ABRA: variants seen among roughly 807,000 people sequenced by gnomAD.
ABRA encodes the protein actin-binding Rho-activating protein.
A neutral mutation model predicts 33.4 loss-of-function variants in ABRA; 25 were observed. The ratio of observed to expected loss-of-function variants is 0.75; its 90% confidence interval spans 0.55 to 1.04. The LOEUF is 1.04. Among genes scored for constraint, ABRA ranks in the 50% least tolerant of loss-of-function variants. The pLI, the probability that ABRA is intolerant of heterozygous loss-of-function variation, is 0.00. For synonymous variants in ABRA, 193 were observed against 176.8 expected (o/e 1.09, Z -0.73); for missense variants, 501 against 491.7 (o/e 1.02, Z -0.18).
intron 1 of ABRA, among the ~76,000 whole-genome samples, chr8:106,764,085 C>A (rs553077731): frequency 4.6e-5 from 7 of 152,140 alleles, no homozygotes. Context: ...GTAATTATGT[C>A]GGTATCCAGA....
intron 1 of ABRA, among the ~76,000 whole-genome samples, chr8:106,769,287 T>G (rs1240068456): frequency 6.6e-6 from 1 of 152,146 alleles, no homozygotes; most frequent in African/African-American, 2.4e-5. Context: ...GAGTGTTCAG[T>G]TCAAAACAAA....
chr8:106,769,537 G>T lies in ABRA; in HGVS notation c.654C>A (p.Arg218=), dbSNP rs1185520755. The T allele has an allele frequency of 6.2e-7, 1 of 1,613,006 alleles. No individual in the cohort carries two copies. The highest frequency in any genetic ancestry group is 1.3e-5 in the African/African-American group (1 of 74,894). Residue 218 remains arginine (R), a synonymous_variant, in exon 1 of 2, where the codon CGC becomes CGA. Coordinates refer to ENST00000311955, the MANE Select transcript of ABRA (RefSeq NM_139166.5). Reference sequence around the variant, plus strand: ...CATTCACTTACTGGGAGGGCAAGGGGCGCTTGATCCTGACCACAGCCACCT... The same window carrying T: ...CATTCACTTACTGGGAGGGCAAGGGTCGCTTGATCCTGACCACAGCCACCT... The part of the protein sequence containing the change: ...GVQVAVVRIK[R]PLPSQVNRFT...
At position 106,769,536 on chromosome 8, in the gene ABRA, G is replaced by C; in HGVS notation, c.655C>G (p.Pro219Ala). Reference protein sequence around the residue: ...VQVAVVRIKRPLPSQVNRFTE... With the variant: ...VQVAVVRIKRALPSQVNRFTE... ...GCATTCACTTACTGGGAGGGCAAGG[G>C]GCGCTTGATCCTGACCACAGCCACC... Residue 219 changes from proline (P) to alanine (A), a missense_variant, in exon 1 of 2, where the codon CCC becomes GCC. Transcript: ENST00000311955. 2.5e-6 allele frequency: 4 copies of C among 1,613,026 alleles called. No individual in the cohort carries two copies. The South Asian group carries it at 4.4e-5, about 18-fold the overall frequency.
At chr8:106,765,374 C>T (rs907145816) in intron 1 of ABRA, among the ~76,000 whole-genome samples, 2 of 152,130 alleles carry the variant, frequency 1.3e-5, no homozygotes, top group Non-Finnish European at 2.9e-5. Context: ...CTTCTGTCTC[C>T]GATCTGTATG....
rs1836126736 is a variant in ABRA, at chr8:106,760,967, T to C, written c.*70A>G. ...AACTTATTACAGAGAGTTTGCATTT[T>C]CATTTTACCTACATGAGCATTTAGC... is the stretch of plus-strand genomic sequence containing the variant. On this transcript the variant is annotated 3_prime_UTR_variant, in exon 2 of 2. Transcript: ENST00000311955. 4.4e-6 allele frequency: 6 copies of C among 1,376,964 alleles called. No individual in the cohort carries two copies. 85.3% of individuals were successfully genotyped at this position (1,376,964 alleles called of 1,614,324 possible).
In ABRA at chr8:106,760,896, T is replaced by C. The variant is rs1278565546; in HGVS notation, c.*141A>G. The C allele has an allele frequency of 2.6e-6, 2 of 774,508 alleles. No homozygotes were observed. The highest frequency in any genetic ancestry group is 2.5e-5 in the East Asian group (1 of 40,382). 48.0% of individuals were successfully genotyped at this position (774,508 alleles called of 1,614,324 possible). ...CAAAATTCCTCATTCTAGATAGAAATAGAATGCCAGAAAGTCGTTTATGTA... is the reference window on the plus strand; with the variant it reads ...CAAAATTCCTCATTCTAGATAGAAACAGAATGCCAGAAAGTCGTTTATGTA... On this transcript the variant is annotated 3_prime_UTR_variant, in exon 2 of 2. Transcript: ENST00000311955.
chr8:106,765,517 A>G (rs562425654), intron 1 of ABRA, among the ~76,000 whole-genome samples: 1 of 152,300 alleles, frequency 6.6e-6, no homozygotes, highest in East Asian at 1.9e-4. Context: ...AACTTCTAGG[A>G]GAAATGCTGC....
chr8:106,762,321 C>T (rs951222200), intron 1 of ABRA, among the ~76,000 whole-genome samples: 6 of 152,154 alleles, frequency 3.9e-5, no homozygotes, highest in Admixed American at 2.0e-4. Context: ...AAATAGGTGA[C>T]GTTGCAGGAT....
intron 1 of ABRA, among the ~76,000 whole-genome samples, chr8:106,768,759 G>A (rs1250685949): frequency 7.2e-5 from 11 of 152,078 alleles, no homozygotes; most frequent in East Asian, 5.8e-4. Context: ...TCAGCCTCCC[G>A]GGTAGCTGGG....
Position 106,769,992 on chromosome 8 carries a change from T to TG in ABRA, c.198dup (p.Thr67HisfsTer34). 2 of 1,613,468 alleles carry TG rather than the reference T, an allele frequency of 1.2e-6. No homozygotes were observed. Among genetic ancestry groups the TG allele is most frequent in the Non-Finnish European group, 8.5e-7 (1 of 1,179,876 alleles). On this transcript the variant is annotated frameshift_variant, in exon 1 of 2. Coordinates refer to ENST00000311955, the MANE Select transcript of ABRA (RefSeq NM_139166.5). LOFTEE classifies it high-confidence loss of function. ...GCTTTCTGGTGTGAAGTAGGGGGTG[T>TG]GATTGGTTTAGGAGCTTGAGGTGAG... is the stretch of plus-strand genomic sequence containing the variant.
At chr8:106,765,607 T>C (rs1446678117) in intron 1 of ABRA, among the ~76,000 whole-genome samples, 1 of 152,176 alleles carries the variant, frequency 6.6e-6, no homozygotes, top group Non-Finnish European at 1.5e-5. Context: ...GGCACATTTA[T>C]CAGAAGCAGA....
rs769633887 is a variant in ABRA, at chr8:106,770,138, C to T, written c.53G>A (p.Arg18Gln). 17 of 1,613,290 alleles carry T rather than the reference C, an allele frequency of 1.1e-5. No homozygotes were observed. The highest frequency in any genetic ancestry group is 4.5e-5 in the East Asian group (2 of 44,888). ...GACCAGGGTGGCTGTGCGTATCTTC[C>T]GGAGGGCGCTCTTGGCTGGGCCCTC... Reference protein sequence around the residue: ...SGEGPAKSALRKIRTATLVIS... With the variant: ...SGEGPAKSALQKIRTATLVIS... Residue 18 changes from arginine (R) to glutamine (Q), a missense_variant, in exon 1 of 2, where the codon CGG becomes CAG. By Grantham distance (43) the Arg-to-Gln change is conservative. Transcript: ENST00000311955.
intron 1 of ABRA, among the ~76,000 whole-genome samples, chr8:106,768,338 T>C (rs1039827925): frequency 6.6e-6 from 1 of 152,210 alleles, no homozygotes; most frequent in African/African-American, 2.4e-5. Context: ...CACGTGTTTC[T>C]TGTCTATATA....
At chr8:106,764,672 CA>C (rs946618205) in intron 1 of ABRA, among the ~76,000 whole-genome samples, 1 of 150,690 alleles carries the variant, frequency 6.6e-6, no homozygotes, top group Admixed American at 6.6e-5. Context: ...AACAAACAAA[CA>C]AAAAAGACTG....
chr8:106,764,425 G>A (rs1010776975), intron 1 of ABRA, among the ~76,000 whole-genome samples: 1 of 152,134 alleles, frequency 6.6e-6, no homozygotes, highest in Non-Finnish European at 1.5e-5. Context: ...AGGGTGAAGT[G>A]GGCAGATCAC....
chr8:106,764,251 G>A (rs930837786), intron 1 of ABRA, among the ~76,000 whole-genome samples: 3 of 152,204 alleles, frequency 2.0e-5, no homozygotes, highest in African/African-American at 7.2e-5. Context: ...ATTCTTTGAT[G>A]TAGCCTTTTT....
chr8:106,761,269 T>C lies in ABRA; in HGVS notation c.914A>G (p.His305Arg). Residue 305 changes from histidine (H) to arginine (R), a missense_variant, in exon 2 of 2, where the codon CAC (histidine) becomes CGC (arginine). Transcript: ENST00000311955. ...TAERAKRAEEHIYREMMDMCF... is the reference protein window; with the variant it reads ...TAERAKRAEERIYREMMDMCF... ...CATGTCCATCATTTCCCTGTAGATG[T>C]GCTCCTCAGCACGCTTGGCCCTTTC... The C allele has an allele frequency of 6.2e-7, 1 of 1,614,252 alleles. No individual in the cohort carries two copies. Among genetic ancestry groups the C allele is most frequent in the Non-Finnish European group, 8.5e-7 (1 of 1,180,042 alleles).
In ABRA at chr8:106,769,316, G is replaced by A. The variant is rs182025774; in HGVS notation, c.668+207C>T. Among the ~76,000 whole-genome samples, 228 of 152,258 alleles carry A rather than the reference G, an allele frequency of 1.5e-3. 2 individuals are homozygous for A. Among genetic ancestry groups the A allele is most frequent in the African/African-American group, 5.2e-3 (218 of 41,538 alleles). ...AAACAAAAACGAGAAACAAAATAGC[G>A]CAGGCCCTGACCAAAAGGTCCATGT... is the stretch of plus-strand genomic sequence containing the variant. On this transcript the variant is annotated intron_variant, in intron 1 of 1. Coordinates refer to ENST00000311955, the MANE Select transcript of ABRA (RefSeq NM_139166.5).
intron 1 of ABRA, among the ~76,000 whole-genome samples, chr8:106,762,274 G>A (rs755332045): frequency 4.6e-5 from 7 of 152,166 alleles, no homozygotes; most frequent in African/African-American, 7.2e-5. Flanking sequence ...AGTTAAGCTG[G>A]CTCCAGAGCC....
Sources: gnomAD v4.1 joint callset for allele counts (sites outside exome capture counted in the v4.1 genomes callset) on GRCh38, gnomAD v4.1.1 for gene constraint, MANE v1.5 for transcripts, NCBI Gene and HGNC (gene_info 2026-07-23, HGNC 2026-07-21) for gene names.